The following PTPRG variants were observed in gnomAD, a reference collection of about 807,000 sequenced individuals.
PTPRG encodes the protein protein tyrosine phosphatase receptor type G, also known as receptor-type tyrosine-protein phosphatase gamma.
PTPRG carries 102 observed loss-of-function variants against 165.3 expected under a neutral mutation model. That is an observed-to-expected ratio of 0.62 (90% CI 0.53 to 0.73). PTPRG has a LOEUF of 0.73. PTPRG is among the 30% of genes least tolerant of loss of function. The pLI, the probability that PTPRG is intolerant of heterozygous loss-of-function variation, is 0.00. For missense variants in PTPRG, 1,866 were observed against 1,861.4 expected, an observed-to-expected ratio of 1.00 and a Z score of -0.05; for synonymous variants, 675 against 669.5, an observed-to-expected ratio of 1.01 and a Z score of -0.13.
chr3:62,102,429 C>T (rs796860506), intron 5 of PTPRG, among the ~76,000 whole-genome samples: 3 of 152,262 alleles, frequency 2.0e-5, no homozygotes, highest in African/African-American at 4.8e-5. Context: ...CACGCCTCCA[C>T]GCCTGGCTGA....
chr3:61,939,767 G>A (rs1575805430), intron 2 of PTPRG, among the ~76,000 whole-genome samples: 1 of 152,188 alleles, frequency 6.6e-6, no homozygotes, highest in African/African-American at 2.4e-5. Context: ...CTTTCATGAA[G>A]AGATGGAGTT....
intron 5 of PTPRG, among the ~76,000 whole-genome samples, chr3:62,112,263 C>T (rs1214904963): frequency 6.6e-6 from 1 of 152,118 alleles, no homozygotes; most frequent in African/African-American, 2.4e-5. Flanking sequence ...CACCACCATG[C>T]GCAGCTAATT....
At chr3:61,678,794 C>A (rs1267632443) in intron 1 of PTPRG, among the ~76,000 whole-genome samples, 1 of 152,112 alleles carries the variant, frequency 6.6e-6, no homozygotes, top group Non-Finnish European at 1.5e-5. Context: ...GGTTGTTTGT[C>A]TAAAACTTTA....
At chr3:62,053,312 G>C (rs1303830998) in intron 4 of PTPRG, among the ~76,000 whole-genome samples, 3 of 147,008 alleles carry the variant, frequency 2.0e-5, no homozygotes, top group South Asian at 2.1e-4. Flanking sequence ...TGTCTCCCAG[G>C]CTGGAGTGCA....
At chr3:62,130,626 C>G (rs981248094) in intron 5 of PTPRG, among the ~76,000 whole-genome samples, 16 of 152,256 alleles carry the variant, frequency 1.1e-4, no homozygotes, top group African/African-American at 3.9e-4. Flanking sequence ...CTCTGGGATC[C>G]TTATTTTATT....
At chr3:61,840,116 T>C (rs2036581969) in intron 2 of PTPRG, among the ~76,000 whole-genome samples, 1 of 152,226 alleles carries the variant, frequency 6.6e-6, no homozygotes, top group South Asian at 2.1e-4. Flanking sequence ...CTTGATATTA[T>C]ATCATAAACA....
intron 1 of PTPRG, among the ~76,000 whole-genome samples, chr3:61,610,756 T>TCCCTCCCC (rs1701141214): frequency 1.9e-5 from 2 of 102,732 alleles, no homozygotes; most frequent in African/African-American, 3.8e-5. Flanking sequence ...CCTGCCTCCC[T>TCCCTCCCC]CCCTCCCTCC....
chr3:61,780,149 C>T (rs2107075142), intron 2 of PTPRG, among the ~76,000 whole-genome samples: 1 of 152,250 alleles, frequency 6.6e-6, no homozygotes. Flanking sequence ...ATGTGTTTCT[C>T]TGAATAAGAC....
intron 5 of PTPRG, among the ~76,000 whole-genome samples, chr3:62,082,192 AT>A (rs1041545321): frequency 2.0e-5 from 3 of 151,622 alleles, no homozygotes; most frequent in African/African-American, 7.3e-5. Flanking sequence ...TACTAGAATA[AT>A]TTTTTTTTAC....
chr3:61,676,883 C>T (rs570947281), intron 1 of PTPRG, among the ~76,000 whole-genome samples: 1 of 152,186 alleles, frequency 6.6e-6, no homozygotes, highest in South Asian at 2.1e-4. Context: ...GACTCCTGAC[C>T]TGAGTGAGGA....
At chr3:61,703,667 T>C (rs1014401275) in intron 1 of PTPRG, among the ~76,000 whole-genome samples, 3 of 152,210 alleles carry the variant, frequency 2.0e-5, no homozygotes, top group Non-Finnish European at 4.4e-5. Flanking sequence ...CACCTTTTCT[T>C]GGTAATCTGA....
At chr3:62,260,661 T>C (rs1056700522) in intron 16 of PTPRG, among the ~76,000 whole-genome samples, 5 of 152,188 alleles carry the variant, frequency 3.3e-5, no homozygotes, top group African/African-American at 1.2e-4. Flanking sequence ...CATACTCCAT[T>C]GGCCAGTGTC....
At chr3:61,711,671 A>T (rs911489347) in intron 1 of PTPRG, among the ~76,000 whole-genome samples, 1 of 152,148 alleles carries the variant, frequency 6.6e-6, no homozygotes, top group Admixed American at 6.6e-5. Flanking sequence ...ATGGGAGAAA[A>T]TTTTTGCAAT....
chr3:61,954,516 G>C (rs1391344431), intron 2 of PTPRG, among the ~76,000 whole-genome samples: 2 of 152,118 alleles, frequency 1.3e-5, no homozygotes, highest in Non-Finnish European at 2.9e-5. Flanking sequence ...CTTTCTATTA[G>C]ATGAGGTAAG....
At chr3:61,746,387 T>C (rs1032823083) in intron 1 of PTPRG, among the ~76,000 whole-genome samples, 11 of 152,034 alleles carry the variant, frequency 7.2e-5, no homozygotes, top group Non-Finnish European at 1.6e-4. Context: ...GTTTTTGTAT[T>C]TTTAGTAGAG....
chr3:62,101,211 C>CA (rs1161816562), intron 5 of PTPRG, among the ~76,000 whole-genome samples: 4 of 152,116 alleles, frequency 2.6e-5, no homozygotes, highest in Admixed American at 2.6e-4. Context: ...ACAGTTATCA[C>CA]ACAAAAAATG....
intron 15 of PTPRG, among the ~76,000 whole-genome samples, chr3:62,244,174 T>G (rs769738975): frequency 6.6e-6 from 1 of 152,252 alleles, no homozygotes; most frequent in African/African-American, 2.4e-5. Flanking sequence ...GCTTATATTT[T>G]TAAATCACAA....
intron 1 of PTPRG, among the ~76,000 whole-genome samples, chr3:61,654,956 A>ATT (rs1181180868): frequency 1.4e-5 from 2 of 141,558 alleles, no homozygotes; most frequent in Admixed American, 7.0e-5. Context: ...TACTTTTTGT[A>ATT]TTTTTTTTTT....
intron 2 of PTPRG, among the ~76,000 whole-genome samples, chr3:61,954,739 A>G (rs2039994808): frequency 6.6e-6 from 1 of 152,210 alleles, no homozygotes; most frequent in Non-Finnish European, 1.5e-5. Context: ...AAGTTATAGC[A>G]GTGGTCCACT....
Sources: gnomAD v4.1 joint callset for allele counts (sites outside exome capture counted in the v4.1 genomes callset) on GRCh38, gnomAD v4.1.1 for gene constraint, MANE v1.5 for transcripts, NCBI Gene and HGNC (gene_info 2026-07-23, HGNC 2026-07-21) for gene names.